Variants in PRMT8 observed in about 807,000 individuals in gnomAD.
PRMT8 encodes protein arginine N-methyltransferase 8.
Under a neutral mutation model 47.1 loss-of-function variants are expected in PRMT8, and 7 were observed. That is an observed-to-expected ratio of 0.15 (90% CI 0.08 to 0.28). The LOEUF (loss-of-function observed/expected upper bound fraction) is 0.28, where lower values mean the gene tolerates loss of function less well. Among genes scored for constraint, PRMT8 ranks in the 10% least tolerant of loss-of-function variants. PRMT8 has a pLI of 1.00. For missense variants in PRMT8, 237 were observed against 505.4 expected (o/e 0.47, Z 5.09); for synonymous variants, 188 against 186.5 (o/e 1.01, Z -0.07).
chr12:3,451,769 G>T (rs1323245615), intron 1 of PRMT8, among the ~76,000 whole-genome samples: 2 of 152,078 alleles, frequency 1.3e-5, no homozygotes, highest in African/African-American at 2.4e-5. Context: ...TCACTTAAAG[G>T]AAACCTCTGG....
At chr12:3,404,447 A>T (rs970673111) in intron 1 of PRMT8, among the ~76,000 whole-genome samples, 1 of 152,206 alleles carries the variant, frequency 6.6e-6, no homozygotes, top group Non-Finnish European at 1.5e-5. Context: ...TCGCTAAGTG[A>T]ACATACTCAT....
At chr12:3,419,897 G>A (rs1189198922) in intron 1 of PRMT8, among the ~76,000 whole-genome samples, 1 of 149,378 alleles carries the variant, frequency 6.7e-6, no homozygotes, top group Non-Finnish European at 1.5e-5. Context: ...CATGCTGTGA[G>A]TATGTTGGTG....
intron 1 of PRMT8, among the ~76,000 whole-genome samples, chr12:3,480,239 G>GT (rs5796055): frequency 7.2e-5 from 11 of 152,044 alleles, no homozygotes; most frequent in South Asian, 6.2e-4. Context: ...CTTAAAAAAT[G>GT]TTTTTTTAAA....
chr12:3,418,234 C>G (rs1473875753), intron 1 of PRMT8, among the ~76,000 whole-genome samples: 1 of 152,242 alleles, frequency 6.6e-6, no homozygotes, highest in African/African-American at 2.4e-5. Flanking sequence ...TTCTCCATTT[C>G]TCAACTGCAA....
At position 3,549,960 on chromosome 12, in the gene PRMT8, A is replaced by T. The variant is rs1866388112; in HGVS notation, c.286A>T (p.Thr96Ser). The change falls in exon 3 of 10, where the codon ACT (threonine) becomes TCT (serine). Residue 96 changes from threonine (T) to serine (S), a missense_variant. Physicochemically the swap from Thr to Ser is moderately conservative, Grantham distance 58. This residue lies in a region of PRMT8 where 32 missense variants were observed against 73.7 expected (regional missense o/e 0.43). Transcript: ENST00000382622. ...GGAAATGCTGAAGGATGAGGTGCGG[A>T]CTCTCACTTACCGGAACTCCATGTA... Reference protein sequence around the residue: ...HEEMLKDEVRTLTYRNSMYHN... With the variant: ...HEEMLKDEVRSLTYRNSMYHN... The T allele has an allele frequency of 6.2e-7, 1 of 1,613,970 alleles. No homozygotes were observed.
intron 8 of PRMT8, among the ~76,000 whole-genome samples, chr12:3,586,707 C>G (rs1304018600): frequency 6.6e-6 from 1 of 152,172 alleles, no homozygotes; most frequent in East Asian, 1.9e-4. Flanking sequence ...GATGCATGCT[C>G]CAGCTTAAGG....
chr12:3,480,212 C>T (rs750521888), intron 1 of PRMT8, among the ~76,000 whole-genome samples: 4 of 152,072 alleles, frequency 2.6e-5, no homozygotes, highest in Non-Finnish European at 4.4e-5. Context: ...GGGGAAAAGG[C>T]GGTATTTAAA....
intron 1 of PRMT8, among the ~76,000 whole-genome samples, chr12:3,509,411 T>A (rs1338624041): frequency 2.6e-5 from 4 of 152,190 alleles, no homozygotes; most frequent in Non-Finnish European, 4.4e-5. Context: ...TCCTATGTTA[T>A]CCTATAGTAC....
chr12:3,452,707 G>C (rs1864933192), intron 1 of PRMT8, among the ~76,000 whole-genome samples: 2 of 152,180 alleles, frequency 1.3e-5, no homozygotes, highest in Admixed American at 1.3e-4. Context: ...CTCTTCCCAG[G>C]ACTTCTGCCT....
chr12:3,469,962 G>T (rs191857664), intron 1 of PRMT8, among the ~76,000 whole-genome samples: 1 of 152,308 alleles, frequency 6.6e-6, no homozygotes, highest in East Asian at 1.9e-4. Flanking sequence ...GCACACAGAG[G>T]ACTGAGACGT....
chr12:3,552,461 C>T lies in PRMT8; in HGVS notation c.418-1190C>T. 1 of 271,920 alleles carries T rather than the reference C, an allele frequency of 3.7e-6. No individual in the cohort carries two copies. Among genetic ancestry groups the T allele is most frequent in the South Asian group, 3.6e-5 (1 of 27,946 alleles). 16.8% of individuals were successfully genotyped at this position (271,920 alleles called of 1,614,324 possible). On this transcript the variant is annotated intron_variant, in intron 3 of 9. Coordinates refer to ENST00000382622, the MANE Select transcript of PRMT8 (RefSeq NM_019854.5). The surrounding 1 kb of genome is among the most constrained non-coding windows in gnomAD (Gnocchi z 4.5). Reference sequence around the variant, plus strand: ...GGAAGGGCAGTGGCCAGGCATAAATCCAGGCCTGGCTCCGGGTCGCATGCT... The same window carrying T: ...GGAAGGGCAGTGGCCAGGCATAAATTCAGGCCTGGCTCCGGGTCGCATGCT...
rs1217662586 is a variant in PRMT8, at chr12:3,436,036, A to C, written c.48+54594A>C. On this transcript the variant is annotated intron_variant, in intron 1 of 9. Transcript: ENST00000452611. The surrounding 1 kb of genome is among the most constrained non-coding windows in gnomAD (Gnocchi z 4.2). ...ATTTTAGCGGGCAAGGGGAGATGGT[A>C]TGTGTTCAGGATGGAGAGTTCACAC... Among the ~76,000 whole-genome samples, 1 of 152,088 alleles carries C rather than the reference A, an allele frequency of 6.6e-6. No individual in the cohort carries two copies.
At chr12:3,383,528 G>A (rs754635859) in intron 1 of PRMT8, among the ~76,000 whole-genome samples, 48 of 152,232 alleles carry the variant, frequency 3.2e-4, no homozygotes, top group Non-Finnish European at 5.7e-4. Flanking sequence ...CATGAGGGCA[G>A]AGCCCTCATT....
intron 1 of PRMT8, among the ~76,000 whole-genome samples, chr12:3,523,469 A>G (rs1382487628): frequency 6.6e-6 from 1 of 152,194 alleles, no homozygotes; most frequent in East Asian, 1.9e-4. Flanking sequence ...ACCCAGGATT[A>G]CTGTCACTCC....
At chr12:3,539,021 C>T (rs181427718) in intron 1 of PRMT8, among the ~76,000 whole-genome samples, 47 of 152,312 alleles carry the variant, frequency 3.1e-4, no homozygotes, top group Non-Finnish European at 4.3e-4. Context: ...AGTGATTCCA[C>T]GGAGGGGTTG....
intron 8 of PRMT8, among the ~76,000 whole-genome samples, chr12:3,589,399 T>G (rs115265592): frequency 6.6e-6 from 1 of 152,298 alleles, no homozygotes; most frequent in African/African-American, 2.4e-5. Context: ...ACATCGCATG[T>G]CAGTGGCAAA....
chr12:3,523,717 A>G (rs1034183318), intron 1 of PRMT8, among the ~76,000 whole-genome samples: 1 of 152,192 alleles, frequency 6.6e-6, no homozygotes, highest in East Asian at 1.9e-4. Flanking sequence ...ACCAATCCCA[A>G]AGGCAGGCAT....
Position 3,570,915 on chromosome 12 carries a change from G to A in PRMT8, c.712+1351G>A, listed in dbSNP as rs1250407285. On this transcript the variant is annotated intron_variant, in intron 6 of 9. Coordinates refer to ENST00000382622, the MANE Select transcript of PRMT8 (RefSeq NM_019854.5). The surrounding 1 kb of genome is among the most constrained non-coding windows in gnomAD (Gnocchi z 5.5). ...TACCAAATGAGGACAGTGAGAGGCA[G>A]GGGGGCCCAGGTTAAATGCTTTGCA... is the stretch of plus-strand genomic sequence containing the variant. 6.6e-6 allele frequency among the ~76,000 whole-genome samples: 1 copy of A among 152,080 alleles called. No homozygotes were observed. Among genetic ancestry groups the A allele is most frequent in the Non-Finnish European group, 1.5e-5 (1 of 68,016 alleles).
chr12:3,383,775 A>G (rs1864114313), intron 1 of PRMT8, among the ~76,000 whole-genome samples: 1 of 152,254 alleles, frequency 6.6e-6, no homozygotes, highest in African/African-American at 2.4e-5. Flanking sequence ...GGACTAAGAC[A>G]AAGCCCTTGC....
Sources: allele counts gnomAD v4.1 joint callset (sites outside exome capture counted in the v4.1 genomes callset), GRCh38; gene constraint gnomAD v4.1.1; regional missense constraint gnomAD v4.1.1; non-coding constraint Gnocchi (gnomAD v3.1); transcripts MANE v1.5; gene names NCBI Gene and HGNC (gene_info 2026-07-23, HGNC 2026-07-21).